The following MARCHF10 variants were observed in gnomAD, a reference collection of about 807,000 sequenced individuals.
MARCHF10 encodes the protein membrane associated ring-CH-type finger 10.
MARCHF10 carries 64 observed loss-of-function variants against 76.2 expected under a neutral mutation model. The observed-to-expected ratio is 0.84, with a 90% CI of 0.69 to 1.03. The LOEUF (loss-of-function observed/expected upper bound fraction) is 1.03. MARCHF10 is among the 50% of genes least tolerant of loss of function. The pLI, the probability that MARCHF10 is intolerant of heterozygous loss-of-function variation, is 0.00. For missense variants in MARCHF10, 875 were observed against 958.0 expected (o/e 0.91, Z 1.14); for synonymous variants, 340 against 357.5 (o/e 0.95, Z 0.55).
chr17:62,704,987 C>T, intron 10 of MARCHF10: 2 of 574,932 alleles, frequency 3.5e-6, no homozygotes, highest in Non-Finnish European at 4.4e-6. Flanking sequence ...AGGGAGAAGG[C>T]TTTTCTCGAA....
At chr17:62,720,792 A>C (rs1312770565) in intron 8 of MARCHF10, among the ~76,000 whole-genome samples, 1 of 151,852 alleles carries the variant, frequency 6.6e-6, no homozygotes, top group African/African-American at 2.4e-5. Flanking sequence ...TTACAGCTTA[A>C]GATTGCTTGT....
At chr17:62,766,053 A>G (rs1424912057) in intron 3 of MARCHF10, among the ~76,000 whole-genome samples, 1 of 151,472 alleles carries the variant, frequency 6.6e-6, no homozygotes, top group Non-Finnish European at 1.5e-5. Context: ...AAAATTAGCC[A>G]GGCATGGTGG....
At chr17:62,707,034 C>T (rs958677287) in intron 9 of MARCHF10, among the ~76,000 whole-genome samples, 5 of 152,194 alleles carry the variant, frequency 3.3e-5, no homozygotes, top group African/African-American at 9.7e-5. Flanking sequence ...CCAGTGCTTC[C>T]GCCAGCCTGT....
chr17:62,742,203 A>G (rs2091540072), intron 5 of MARCHF10, among the ~76,000 whole-genome samples: 1 of 151,204 alleles, frequency 6.6e-6, no homozygotes, highest in Admixed American at 6.6e-5. Context: ...TATTTTCTGT[A>G]GAGACAGGGT....
At chr17:62,759,261 T>C (rs948166449) in intron 4 of MARCHF10, among the ~76,000 whole-genome samples, 5 of 152,220 alleles carry the variant, frequency 3.3e-5, no homozygotes, top group Admixed American at 6.5e-5. Flanking sequence ...GTGAAGAAGA[T>C]GAAAAGGCAG....
At chr17:62,723,198 G>A (rs1429716902) in intron 7 of MARCHF10, among the ~76,000 whole-genome samples, 4 of 150,318 alleles carry the variant, frequency 2.7e-5, no homozygotes, top group African/African-American at 9.8e-5. Context: ...ATATGAGAAG[G>A]CTTCCTTTGT....
Position 62,738,127 on chromosome 17 carries a change from A to C in MARCHF10, c.536-795T>G, listed in dbSNP as rs780353548. 4.1e-5 allele frequency among the ~76,000 whole-genome samples: 6 copies of C among 145,876 alleles called. No individual in the cohort carries two copies. Among genetic ancestry groups the C allele is most frequent in the Non-Finnish European group, 7.5e-5 (5 of 66,284 alleles). On this transcript the variant is annotated intron_variant, in intron 5 of 10. Coordinates refer to ENST00000311269, the MANE Select transcript of MARCHF10 (RefSeq NM_152598.4). This position sits in a 1 kb window ranked among gnomAD's most constrained non-coding sequence, Gnocchi z 4.0. ...CTTAAGCCTCACAACCCTGTGAAAT[A>C]GGTAACACAATCATACGACATTATA...
At chr17:62,804,663 G>A (rs938083688) in intron 1 of MARCHF10, among the ~76,000 whole-genome samples, 16 of 152,252 alleles carry the variant, frequency 1.1e-4, no homozygotes, top group African/African-American at 3.1e-4. Flanking sequence ...GACTGGCATG[G>A]CCCAAATTTA....
chr17:62,769,562 C>T (rs186154710), intron 3 of MARCHF10, among the ~76,000 whole-genome samples: 81 of 152,156 alleles, frequency 5.3e-4, no homozygotes, highest in East Asian at 1.9e-4. Context: ...TATAGGTGCA[C>T]GCCAACATGC....
chr17:62,762,151 G>A (rs2092222317), intron 3 of MARCHF10, among the ~76,000 whole-genome samples: 1 of 152,322 alleles, frequency 6.6e-6, no homozygotes, highest in African/African-American at 2.4e-5. Context: ...GGTGAATAGG[G>A]AGGAGACCTT....
intron 3 of MARCHF10, among the ~76,000 whole-genome samples, chr17:62,782,889 C>T (rs529670086): frequency 2.0e-4 from 30 of 152,304 alleles, no homozygotes; most frequent in African/African-American, 7.0e-4. Context: ...TCTCACCCTG[C>T]CCTTCCTCTG....
chr17:62,721,366 T>C (rs986343488), intron 8 of MARCHF10, among the ~76,000 whole-genome samples: 12 of 65,142 alleles, frequency 1.8e-4, no homozygotes, highest in South Asian at 4.3e-4. Context: ...TTACCCCCCT[T>C]TTTTTTTTTG....
At position 62,701,755 on chromosome 17, in the gene MARCHF10, G is replaced by C. The variant is rs1302556527; in HGVS notation, c.2375C>G (p.Ser792Trp). The change falls in exon 11 of 11, where the codon TCG becomes TGG. Residue 792 changes from serine (S) to tryptophan (W), a missense_variant. By Grantham distance (177) the Ser-to-Trp change is radical. Coordinates refer to ENST00000311269, the MANE Select transcript of MARCHF10 (RefSeq NM_152598.4). ...GCCTTCATTTCCATCTCCCAACTCC[G>C]AATCTGGAAGGCAAGAAGGTGTTTC... ...PQPRTEENEN[S>W]ELGDGNEGSI... 7 of 1,614,076 alleles carry C rather than the reference G, an allele frequency of 4.3e-6. No individual in the cohort carries two copies. In the South Asian group the frequency reaches 7.7e-5, roughly 18 times the overall value.
At chr17:62,789,441 C>A (rs546886653) in intron 2 of MARCHF10, among the ~76,000 whole-genome samples, 1 of 152,334 alleles carries the variant, frequency 6.6e-6, no homozygotes, top group East Asian at 1.9e-4. Context: ...TTAGTTTCCT[C>A]TGCCCTCTCT....
intron 3 of MARCHF10, among the ~76,000 whole-genome samples, chr17:62,767,414 C>G (rs17684769): frequency 0.49 from 73,563 of 148,824 alleles, 19,729 homozygotes; most frequent in East Asian, 0.7. Flanking sequence ...ACCAATTAAC[C>G]TTGAAATAAA....
intron 8 of MARCHF10, chr17:62,714,358 C>T: frequency 7.1e-6 from 7 of 982,066 alleles, no homozygotes; most frequent in East Asian, 2.3e-4. Context: ...GGGAAGTAAC[C>T]TCTGTTCTGC....
intron 2 of MARCHF10, among the ~76,000 whole-genome samples, chr17:62,791,137 A>G (rs1295200125): frequency 6.6e-6 from 1 of 152,260 alleles, no homozygotes; most frequent in African/African-American, 2.4e-5. Flanking sequence ...AAAACACCCA[A>G]TCATAGAGAA....
At chr17:62,729,837 G>C (rs372155823) in intron 6 of MARCHF10, among the ~76,000 whole-genome samples, 1 of 152,252 alleles carries the variant, frequency 6.6e-6, no homozygotes, top group African/African-American at 2.4e-5. Context: ...GCCTCTCAAA[G>C]CACTGGAGTT....
intron 2 of MARCHF10, among the ~76,000 whole-genome samples, chr17:62,796,509 A>G (rs781031538): frequency 1.3e-5 from 2 of 152,206 alleles, no homozygotes; most frequent in Non-Finnish European, 2.9e-5. Flanking sequence ...ATGCTCAATG[A>G]GAGTGGATTT....
Sources: allele counts gnomAD v4.1 joint callset (sites outside exome capture counted in the v4.1 genomes callset), GRCh38; gene constraint gnomAD v4.1.1; non-coding constraint Gnocchi (gnomAD v3.1); transcripts MANE v1.5; gene names NCBI Gene and HGNC (gene_info 2026-07-23, HGNC 2026-07-21).